The following CLYBL variants were observed in gnomAD, a reference collection of about 807,000 sequenced individuals.
The protein encoded by CLYBL is citramalyl-CoA lyase, mitochondrial.
A neutral mutation model predicts 38.9 loss-of-function variants in CLYBL; 31 were observed. The ratio of observed to expected loss-of-function variants is 0.80; its 90% CI spans 0.60 to 1.08. The LOEUF (loss-of-function observed/expected upper bound fraction) is 1.08. CLYBL is among the 50% of genes least tolerant of loss of function. CLYBL has a pLI of 0.00. For missense variants in CLYBL, 434 were observed against 411.6 expected (o/e 1.05, Z -0.47); for synonymous variants, 171 against 158.6 (o/e 1.08, Z -0.59).
chr13:99,720,473 G>A (rs2139525335), intron 1 of CLYBL, among the ~76,000 whole-genome samples: 1 of 151,880 alleles, frequency 6.6e-6, no homozygotes, highest in East Asian at 1.9e-4. Context: ...GCTCACCATC[G>A]CTCCTTTGGA....
intron 2 of CLYBL, among the ~76,000 whole-genome samples, chr13:99,788,694 A>G (rs1406647751): frequency 6.6e-6 from 1 of 152,200 alleles, no homozygotes; most frequent in Non-Finnish European, 1.5e-5. Context: ...AGGCTTTGGT[A>G]TCAGGATGAT....
intron 2 of CLYBL, among the ~76,000 whole-genome samples, chr13:99,791,909 T>C (rs1364965463): frequency 6.6e-6 from 1 of 152,126 alleles, no homozygotes; most frequent in East Asian, 1.9e-4. Flanking sequence ...TCTCTCTAAA[T>C]ATCATGGAGT....
chr13:99,748,223 T>A (rs1231401558), intron 1 of CLYBL, among the ~76,000 whole-genome samples: 1 of 151,654 alleles, frequency 6.6e-6, no homozygotes, highest in Non-Finnish European at 1.5e-5. Flanking sequence ...CTACTAAAAA[T>A]ACAAAAATTA....
At chr13:99,854,636 G>C (rs2051413757) in intron 2 of CLYBL, among the ~76,000 whole-genome samples, 1 of 152,134 alleles carries the variant, frequency 6.6e-6, no homozygotes, top group Admixed American at 6.5e-5. Context: ...TTTCTTTGCA[G>C]ATTTGATCAT....
chr13:99,646,448 A>G (rs1175501784), intron 1 of CLYBL, among the ~76,000 whole-genome samples: 1 of 151,864 alleles, frequency 6.6e-6, no homozygotes, highest in Non-Finnish European at 1.5e-5. Context: ...TGCATTTACA[A>G]TGATTTATAA....
chr13:99,762,705 A>G (rs2049189025), intron 1 of CLYBL, among the ~76,000 whole-genome samples: 1 of 152,216 alleles, frequency 6.6e-6, no homozygotes, highest in African/African-American at 2.4e-5. Context: ...TCTATGAAGA[A>G]TATCATTGGT....
chr13:99,851,187 G>C (rs970047821), intron 2 of CLYBL, among the ~76,000 whole-genome samples: 1 of 151,992 alleles, frequency 6.6e-6, no homozygotes, highest in African/African-American at 2.4e-5. Flanking sequence ...GGCCAACATG[G>C]CGAAACCCTG....
At chr13:99,623,493 A>G (rs912848513) in intron 1 of CLYBL, among the ~76,000 whole-genome samples, 1 of 152,086 alleles carries the variant, frequency 6.6e-6, no homozygotes, top group Non-Finnish European at 1.5e-5. Flanking sequence ...CTCCTCACTC[A>G]GTCCACTTAC....
At chr13:99,848,464 G>A (rs1293054934) in intron 2 of CLYBL, among the ~76,000 whole-genome samples, 3 of 152,214 alleles carry the variant, frequency 2.0e-5, no homozygotes, top group Non-Finnish European at 4.4e-5. Context: ...TCTGGGCATG[G>A]TATTCAGGAA....
chr13:99,656,083 C>T lies in CLYBL; in HGVS notation c.62+49326C>T, dbSNP rs183507319. Among the ~76,000 whole-genome samples the T allele has an allele frequency of 2.0e-5, 3 of 149,508 alleles. No homozygotes were observed. The East Asian group carries it at 5.8e-4, about 29-fold the overall frequency. ...TTCCTTTTTTCCAGACCCACCCCCA[C>T]CTTTGAGATTATCACTCTTCCTGCT... On this transcript the variant is annotated intron_variant, in intron 1 of 8. Transcript: ENST00000339105.
intron 1 of CLYBL, among the ~76,000 whole-genome samples, chr13:99,716,954 G>A (rs1477307636): frequency 2.0e-5 from 3 of 150,780 alleles, no homozygotes; most frequent in Admixed American, 6.6e-5. Flanking sequence ...ACCACGTCCA[G>A]CTAATTTTGT....
At chr13:99,683,001 G>A (rs2139403364) in intron 1 of CLYBL, among the ~76,000 whole-genome samples, 1 of 152,066 alleles carries the variant, frequency 6.6e-6, no homozygotes, top group East Asian at 1.9e-4. Flanking sequence ...CCCTCCCAAA[G>A]TGCTGGGATT....
chr13:99,842,539 A>G (rs1051847495), intron 2 of CLYBL, among the ~76,000 whole-genome samples: 2 of 152,074 alleles, frequency 1.3e-5, no homozygotes, highest in African/African-American at 4.8e-5. Context: ...TTGGTCAGGC[A>G]CTAGGGACAC....
At chr13:99,773,254 T>C (rs936148093) in intron 2 of CLYBL, among the ~76,000 whole-genome samples, 3 of 152,230 alleles carry the variant, frequency 2.0e-5, no homozygotes, top group African/African-American at 7.2e-5. Context: ...TATGTGTATG[T>C]ATAGATAAAA....
At chr13:99,724,947 TAAGA>T (rs1459703727) in intron 1 of CLYBL, among the ~76,000 whole-genome samples, 1 of 152,238 alleles carries the variant, frequency 6.6e-6, no homozygotes, top group Non-Finnish European at 1.5e-5. Flanking sequence ...AGCATTGCAT[TAAGA>T]GAGAGACTTT....
At chr13:99,817,662 AAAAAAAAAAAAG>A (rs1227427849) in intron 2 of CLYBL, among the ~76,000 whole-genome samples, 2 of 149,632 alleles carry the variant, frequency 1.3e-5, no homozygotes, top group East Asian at 3.9e-4. Flanking sequence ...CTCAAAAAAA[AAAAAAAAAAAAG>A]AAAAGAAAAA....
At chr13:99,753,143 A>T (rs1162412435) in intron 1 of CLYBL, among the ~76,000 whole-genome samples, 1 of 152,076 alleles carries the variant, frequency 6.6e-6, no homozygotes, top group Admixed American at 6.6e-5. Context: ...GGTGAGCAGG[A>T]AGATGTGGTG....
intron 2 of CLYBL, among the ~76,000 whole-genome samples, chr13:99,844,891 G>C (rs890001240): frequency 6.6e-6 from 1 of 152,194 alleles, no homozygotes; most frequent in African/African-American, 2.4e-5. Flanking sequence ...AGGTATCAAA[G>C]ACCGGATTCA....
At chr13:99,638,736 A>T (rs1258209935) in intron 1 of CLYBL, among the ~76,000 whole-genome samples, 1 of 152,254 alleles carries the variant, frequency 6.6e-6, no homozygotes, top group Non-Finnish European at 1.5e-5. Context: ...GAGGAAACCG[A>T]AACACAGAAA....
Sources: allele counts gnomAD v4.1 joint callset (sites outside exome capture counted in the v4.1 genomes callset), GRCh38; gene constraint gnomAD v4.1.1; transcripts MANE v1.5; gene names NCBI Gene and HGNC (gene_info 2026-07-23, HGNC 2026-07-21).